The following PCDHGA3 variants were observed in gnomAD, a reference collection of about 807,000 sequenced individuals.
The protein encoded by PCDHGA3 is protocadherin gamma-A3.
Under a neutral mutation model 58.5 loss-of-function variants are expected in PCDHGA3, and 40 were observed. The ratio of observed to expected loss-of-function variants is 0.68; its 90% CI spans 0.53 to 0.89. PCDHGA3 has a LOEUF of 0.89. Among genes scored for constraint, PCDHGA3 ranks in the 40% least tolerant of loss-of-function variants. The pLI is 0.00. For synonymous variants in PCDHGA3, 530 were observed against 525.7 expected (o/e 1.01, Z -0.11); for missense variants, 1,223 against 1,195.9 (o/e 1.02, Z -0.33).
rs148240637 is a variant in PCDHGA3, at chr5:141,383,750, T to A, written c.2424+37293T>A. On this transcript the variant is annotated intron_variant, in intron 1 of 3. Transcript: ENST00000253812. ...GAAGTGACATATTCTTTTCGGAAAA[T>A]AACTCCTAAACTTCCAAAGATGTTT... 1.9e-3 allele frequency: 3,008 copies of A among 1,613,910 alleles called. 48 individuals are homozygous for A. In the African/African-American group the frequency reaches 0.033, roughly 18 times the overall value.
At chr5:141,393,168 G>T (rs1486915956) in intron 1 of PCDHGA3, 1 of 1,613,100 alleles carries the variant, frequency 6.2e-7, no homozygotes, top group Non-Finnish European at 8.5e-7. Context: ...ACTCTTTGGG[G>T]TAGAAATAGA....
rs746769707 is a variant in PCDHGA3, at chr5:141,344,065, G to A, written c.32G>A (p.Arg11Lys). Residue 11 changes from arginine (R) to lysine (K), a missense_variant, in exon 1 of 4, where the codon AGA (arginine) becomes AAA (lysine). Physicochemically the swap from Arg to Lys is conservative, Grantham distance 26. This residue lies in a region of PCDHGA3 where 791 missense variants were observed against 708.5 expected (regional missense o/e 1.12). Coordinates refer to ENST00000253812, the MANE Select transcript of PCDHGA3 (RefSeq NM_018916.4). MTNCLSFRNGRGLALLCALLG... is the reference protein window; with the variant it reads MTNCLSFRNGKGLALLCALLG... ...AATTGCCTGAGTTTCCGAAATGGCA[G>A]AGGACTGGCCCTGCTGTGCGCGCTC... 1.9e-6 allele frequency: 3 copies of A among 1,574,054 alleles called. No individual in the cohort carries two copies. The East Asian group carries it at 6.8e-5, about 36-fold the overall frequency.
chr5:141,419,419 C>A (rs767018815), intron 1 of PCDHGA3: 1 of 1,613,384 alleles, frequency 6.2e-7, no homozygotes. Context: ...AGCGCGCCTT[C>A]GACCACGAGC....
chr5:141,364,883 G>A (rs2149867469), intron 1 of PCDHGA3: 1 of 1,613,946 alleles, frequency 6.2e-7, no homozygotes, highest in East Asian at 2.2e-5. Context: ...TGTGGTAAGC[G>A]GAACTGATGG....
chr5:141,417,884 C>A, intron 1 of PCDHGA3: 2 of 1,561,600 alleles, frequency 1.3e-6, no homozygotes, highest in East Asian at 2.4e-5. Flanking sequence ...CGCGCAGAGG[C>A]GCCGGGCCGG....
rs554003983 is a variant in PCDHGA3, at chr5:141,415,548, A to T, written c.2424+69091A>T. 10 of 1,614,160 alleles carry T rather than the reference A, an allele frequency of 6.2e-6. No individual in the cohort carries two copies. The East Asian group carries it at 1.8e-4, about 29-fold the overall frequency. ...TCATCAGCCAGGAGAGCTGTGAGAA[A>T]AACGATCCTTTGTCTTTGTTAGATG... On this transcript the variant is annotated intron_variant, in intron 1 of 3. Coordinates refer to ENST00000253812, the MANE Select transcript of PCDHGA3 (RefSeq NM_018916.4).
chr5:141,410,320 C>T (rs752279818), intron 1 of PCDHGA3: 54 of 1,613,880 alleles, frequency 3.3e-5, no homozygotes, highest in Non-Finnish European at 4.5e-5. Context: ...TCCTCCTCGC[C>T]GTGATTCTGG....
chr5:141,478,801 T>G (rs2099477985), intron 1 of PCDHGA3: 1 of 1,463,438 alleles, frequency 6.8e-7, no homozygotes, highest in African/African-American at 1.4e-5. Flanking sequence ...TCAGCACTCT[T>G]TTGCTATCAC....
rs767497197 is a variant in PCDHGA3, at chr5:141,486,350, T to C, written c.2425-8457T>C. The C allele has an allele frequency of 6.2e-7, 1 of 1,614,128 alleles. No homozygotes were observed. Among genetic ancestry groups the C allele is most frequent in the South Asian group, 1.1e-5 (1 of 91,074 alleles). On this transcript the variant is annotated intron_variant, in intron 1 of 3. Transcript: ENST00000253812. The surrounding 1 kb of genome is among the most constrained non-coding windows in gnomAD (Gnocchi z 5.0). ...TGTGAGCCTCCGCATTCCTGACCAC[T>C]TGCCATTTGCCCTCAAGTCTGCCTT...
intron 1 of PCDHGA3, chr5:141,350,743 C>G (rs1342170939): frequency 6.2e-7 from 1 of 1,613,930 alleles, no homozygotes; most frequent in East Asian, 2.2e-5. Context: ...ATGTGGAAGG[C>G]AATTCACTGA....
intron 1 of PCDHGA3, chr5:141,407,995 C>A: frequency 1.2e-6 from 1 of 869,524 alleles, no homozygotes. Flanking sequence ...AGCCTCTGGC[C>A]TGGGATTCCC....
chr5:141,439,416 G>T (rs1169961917), intron 1 of PCDHGA3, among the ~76,000 whole-genome samples: 3 of 152,156 alleles, frequency 2.0e-5, no homozygotes, highest in African/African-American at 7.2e-5. Flanking sequence ...CATCACTGAG[G>T]TTATAAATTC....
chr5:141,427,899 G>A, intron 1 of PCDHGA3: 1 of 1,571,372 alleles, frequency 6.4e-7, no homozygotes, highest in Non-Finnish European at 8.7e-7. Flanking sequence ...GGGCTCGCCC[G>A]CGCTCAGCGC....
chr5:141,455,143 T>C (rs984886337), intron 1 of PCDHGA3, among the ~76,000 whole-genome samples: 1 of 149,894 alleles, frequency 6.7e-6, no homozygotes, highest in Non-Finnish European at 1.5e-5. Flanking sequence ...CTGTGTTAAA[T>C]AAATATTAGT....
rs1206206519 is a variant in PCDHGA3 at position 141,432,127 on chromosome 5, C to G, written c.2425-62680C>G. ...ACCCGCCGGTCTTCCCTCAGGCCTC[C>G]TATTCCGCTTATATCCCAGAGAACA... On this transcript the variant is annotated intron_variant, in intron 1 of 3. Coordinates refer to ENST00000253812, the MANE Select transcript of PCDHGA3 (RefSeq NM_018916.4). The surrounding 1 kb of genome is among the most constrained non-coding windows in gnomAD (Gnocchi z 6.0). The G allele has an allele frequency of 6.8e-6, 11 of 1,614,160 alleles. No homozygotes were observed. The highest frequency in any genetic ancestry group is 8.5e-6 in the Non-Finnish European group (10 of 1,180,032).
At chr5:141,419,918 G>C (rs370039875) in intron 1 of PCDHGA3, 30 of 1,613,978 alleles carry the variant, frequency 1.9e-5, no homozygotes, top group Non-Finnish European at 2.5e-5. Flanking sequence ...CTCCCAGGCT[G>C]AGATGCAGTT....
chr5:141,423,777 T>A, intron 1 of PCDHGA3: 1 of 1,159,844 alleles, frequency 8.6e-7, no homozygotes, highest in Non-Finnish European at 1.1e-6. Flanking sequence ...GGCATATATT[T>A]AGTTCATATA....
intron 3 of PCDHGA3, among the ~76,000 whole-genome samples, chr5:141,509,277 T>TC (rs566266970): frequency 0.011 from 1,653 of 152,240 alleles, 22 homozygotes; most frequent in Non-Finnish European, 0.018. Context: ...CGCTACCCGC[T>TC]CCCAGGGTCC....
At chr5:141,480,414 C>CA (rs10712552) in intron 1 of PCDHGA3, among the ~76,000 whole-genome samples, 44 of 147,474 alleles carry the variant, frequency 3.0e-4, no homozygotes, top group Non-Finnish European at 4.4e-4. Context: ...GACCCTGTCT[C>CA]AAAAAAAAAA....
Sources: allele counts gnomAD v4.1 joint callset (sites outside exome capture counted in the v4.1 genomes callset), GRCh38; gene constraint gnomAD v4.1.1; regional missense constraint gnomAD v4.1.1; non-coding constraint Gnocchi (gnomAD v3.1); transcripts MANE v1.5; gene names NCBI Gene and HGNC (gene_info 2026-07-23, HGNC 2026-07-21).